Variants in TOLLIP observed in about 807,000 individuals in gnomAD.
TOLLIP encodes the protein toll interacting protein.
Under a neutral mutation model 33.5 loss-of-function variants are expected in TOLLIP, and 16 were observed. That is an observed-to-expected ratio of 0.48 (90% CI 0.32 to 0.72). The LOEUF (loss-of-function observed/expected upper bound fraction) is 0.72. Ranked by LOEUF, TOLLIP falls within the 30% of genes least tolerant of loss-of-function variation. The pLI is 0.03. For missense variants in TOLLIP, 325 were observed against 396.6 expected (o/e 0.82, Z 1.53); for synonymous variants, 176 against 163.7 (o/e 1.07, Z -0.57).
Position 1,290,248 on chromosome 11 carries a change from GAA to G in TOLLIP, c.343_344del (p.Phe115LeufsTer7). ...HCTVPPGVDS[F>X]YLEIFDERAF... The stretch of plus-strand genomic sequence containing the variant: ...TCACCTCATCGAAGATCTCGAGATA[GAA>G]AGAGTCCACGCCTGGGGGCACCGTG... On this transcript the variant is annotated frameshift_variant, in exon 3 of 6. Transcript: ENST00000317204. LOFTEE classifies it high-confidence loss of function. This position sits in a 1 kb window ranked among gnomAD's most constrained non-coding sequence, Gnocchi z 4.9. 1.9e-6 allele frequency: 3 copies of G among 1,613,380 alleles called. No individual in the cohort carries two copies. Among genetic ancestry groups the G allele is most frequent in the Non-Finnish European group, 2.5e-6 (3 of 1,179,920 alleles).
In TOLLIP at chr11:1,274,835, A is replaced by C. The variant is rs568696257; in HGVS notation, c.*2204T>G. The C allele has an allele frequency of 1.3e-5, 2 of 149,436 alleles. No homozygotes were observed. The highest frequency in any genetic ancestry group is 4.9e-5 in the African/African-American group (2 of 40,872). The allele number at this position is 149,436 out of a possible 1,614,324, so 9.3% of individuals were successfully genotyped here. A position where few individuals can be genotyped will look rare whatever the true frequency, so the allele number is the denominator to read the frequency against. On this transcript the variant is annotated 3_prime_UTR_variant, in exon 6 of 6. Coordinates refer to ENST00000317204, the MANE Select transcript of TOLLIP (RefSeq NM_019009.4). ...AGACAAGCCTGTCCTTCTGAGTGTGACGACCTCATCCACACCTGACACAGG... is the reference window on the plus strand; with the variant it reads ...AGACAAGCCTGTCCTTCTGAGTGTGCCGACCTCATCCACACCTGACACAGG...
At chr11:1,298,299 C>G (rs1216067575) in intron 1 of TOLLIP, 2 of 152,192 alleles carry the variant, frequency 1.3e-5, no homozygotes, top group Non-Finnish European at 2.9e-5. Context: ...AGGGGACAGA[C>G]AGGTGGCTCA....
Position 1,278,003 on chromosome 11 carries a change from G to A in TOLLIP, c.611-750C>T, listed in dbSNP as rs966005044. On this transcript the variant is annotated intron_variant, in intron 5 of 5. Coordinates refer to ENST00000317204, the MANE Select transcript of TOLLIP (RefSeq NM_019009.4). This position sits in a 1 kb window ranked among gnomAD's most constrained non-coding sequence, Gnocchi z 4.7. ...CACCCCACAGCTACGCAGGCCCCTC[G>A]CCCCATGTCTGATGCGGGAGGACAC... Among the ~76,000 whole-genome samples, 3 of 152,094 alleles carry A rather than the reference G, an allele frequency of 2.0e-5. No individual in the cohort carries two copies. Among genetic ancestry groups the A allele is most frequent in the Non-Finnish European group, 2.9e-5 (2 of 68,012 alleles).
At chr11:1,280,864 CCT>C (rs1863475737) in intron 5 of TOLLIP, among the ~76,000 whole-genome samples, 1 of 152,204 alleles carries the variant, frequency 6.6e-6, no homozygotes. Context: ...CCCGAGTGCC[CCT>C]CTGTGCCAGG....
At position 1,277,287 on chromosome 11, in the gene TOLLIP, G is replaced by A. The variant is rs143476615; in HGVS notation, c.611-34C>T. 639 of 1,496,156 alleles carry A rather than the reference G, an allele frequency of 4.3e-4. 7 individuals are homozygous for A. In the African/African-American group the frequency reaches 7.8e-3, roughly 18 times the overall value. 92.7% of individuals were successfully genotyped at this position (1,496,156 alleles called of 1,614,324 possible). A position where few individuals can be genotyped will look rare whatever the true frequency, so the allele number is the denominator to read the frequency against. Reference sequence around the variant, plus strand: ...AAAGATCAAGTTTGGTAAAAACGTCGGAAAGTTCCAGAAGTGCCACACTAG... The same window carrying A: ...AAAGATCAAGTTTGGTAAAAACGTCAGAAAGTTCCAGAAGTGCCACACTAG... On this transcript the variant is annotated intron_variant, in intron 5 of 5. Transcript: ENST00000317204. The surrounding 1 kb of genome is among the most constrained non-coding windows in gnomAD (Gnocchi z 4.2).
chr11:1,290,092 G>T lies in TOLLIP; in HGVS notation c.366+135C>A. 1 of 773,146 alleles carries T rather than the reference G, an allele frequency of 1.3e-6. No individual in the cohort carries two copies. The highest frequency in any genetic ancestry group is 2.1e-6 in the Non-Finnish European group (1 of 472,994). 47.9% of individuals were successfully genotyped at this position (773,146 alleles called of 1,614,324 possible). On this transcript the variant is annotated intron_variant, in intron 3 of 5. Coordinates refer to ENST00000317204, the MANE Select transcript of TOLLIP (RefSeq NM_019009.4). This position sits in a 1 kb window ranked among gnomAD's most constrained non-coding sequence, Gnocchi z 4.9. ...CTTGGGGAGAGCAGGACCCTGTCAT[G>T]CACCCAATGAAACACCAGGTGGGGA...
In TOLLIP at chr11:1,286,012, C is replaced by T. The variant is rs1486563925; in HGVS notation, c.600G>A (p.Val200=). The change falls in exon 5 of 6, where the codon GTG becomes GTA. Residue 200 remains valine, a synonymous_variant. Coordinates refer to ENST00000317204, the MANE Select transcript of TOLLIP (RefSeq NM_019009.4). ...PTVYQQGVGY[V]PITGMPAVCS... ...AGGGAGCACACGCACCTGTGATGGG[C>T]ACATAGCCAACGCCCTGCTGGTACA... 6.3e-7 allele frequency: 1 copy of T among 1,593,364 alleles called. No homozygotes were observed. The highest frequency in any genetic ancestry group is 8.5e-7 in the Non-Finnish European group (1 of 1,171,124).
In TOLLIP at chr11:1,290,026, AG is replaced by A. The variant is rs1590217231; in HGVS notation, c.366+200del. 5.5e-5 allele frequency: 32 copies of A among 586,036 alleles called. No individual in the cohort carries two copies. The East Asian group carries it at 9.1e-4, about 17-fold the overall frequency. The allele number at this position is 586,036 out of a possible 1,614,324, so 36.3% of individuals were successfully genotyped here. A position where few individuals can be genotyped will look rare whatever the true frequency, so the allele number is the denominator to read the frequency against. Reference sequence around the variant, plus strand: ...GTCACTGGGGATGTTTCCAAATGTAAGTATGTTCAAGGAGCTGGAAACAATC... The same window carrying A: ...GTCACTGGGGATGTTTCCAAATGTAATATGTTCAAGGAGCTGGAAACAATC... On this transcript the variant is annotated intron_variant, in intron 3 of 5. Coordinates refer to ENST00000317204, the MANE Select transcript of TOLLIP (RefSeq NM_019009.4). This position sits in a 1 kb window ranked among gnomAD's most constrained non-coding sequence, Gnocchi z 4.9.
chr11:1,304,870 A>C (rs1864384639), intron 1 of TOLLIP, among the ~76,000 whole-genome samples: 2 of 152,268 alleles, frequency 1.3e-5, no homozygotes, highest in South Asian at 4.1e-4. Flanking sequence ...AAATCTGTGT[A>C]TCCATCTAGG....
At chr11:1,285,075 C>T (rs1216366339) in intron 5 of TOLLIP, among the ~76,000 whole-genome samples, 1 of 152,190 alleles carries the variant, frequency 6.6e-6, no homozygotes, top group Non-Finnish European at 1.5e-5. Flanking sequence ...AGCTCTGTCC[C>T]GCCCCAACCC....
intron 5 of TOLLIP, chr11:1,283,259 A>G (rs1289185718): frequency 4.0e-6 from 1 of 250,764 alleles, no homozygotes; most frequent in Non-Finnish European, 8.0e-6. Context: ...CAGCAGCCCC[A>G]CCAGGTCCCT....
chr11:1,277,335 A>C lies in TOLLIP; in HGVS notation c.611-82T>G. 1.7e-6 allele frequency: 2 copies of C among 1,159,720 alleles called. No homozygotes were observed. Among genetic ancestry groups the C allele is most frequent in the Non-Finnish European group, 2.4e-6 (2 of 843,862 alleles). 71.8% of individuals were successfully genotyped at this position (1,159,720 alleles called of 1,614,324 possible). ...TAGCTCCTGCTGAAGGAAGAAAACAACGCATCCCACCGGCCTCCCTGAGGA... is the reference window on the plus strand; with the variant it reads ...TAGCTCCTGCTGAAGGAAGAAAACACCGCATCCCACCGGCCTCCCTGAGGA... On this transcript the variant is annotated intron_variant, in intron 5 of 5. Transcript: ENST00000317204. This position sits in a 1 kb window ranked among gnomAD's most constrained non-coding sequence, Gnocchi z 4.2.
intron 4 of TOLLIP, among the ~76,000 whole-genome samples, 163 bp downstream of exon 4, chr11:1,288,461 A>T (rs1490093176): frequency 6.6e-6 from 1 of 152,208 alleles, no homozygotes. Context: ...CTCTGCCACC[A>T]AACCACCCAG....
intron 1 of TOLLIP, 122 bp downstream of exon 1, chr11:1,309,344 G>A: frequency 2.0e-6 from 1 of 508,692 alleles, no homozygotes; most frequent in Non-Finnish European, 2.9e-6. Context: ...CAGGCGCCCC[G>A]CGTGCCCCGG....
intron 4 of TOLLIP, 115 bp downstream of exon 4, chr11:1,288,509 G>GGC: frequency 1.5e-6 from 2 of 1,319,504 alleles, no homozygotes; most frequent in Admixed American, 4.8e-5. Flanking sequence ...GAGCCCTGCT[G>GGC]TTTTATGGGC....
rs991754868 is a variant in TOLLIP, at chr11:1,303,521, T to C, written c.33+5945A>G. Among the ~76,000 whole-genome samples, 1 of 152,228 alleles carries C rather than the reference T, an allele frequency of 6.6e-6. No homozygotes were observed. The highest frequency in any genetic ancestry group is 1.5e-5 in the Non-Finnish European group (1 of 68,046). ...GGGAAGCATCATGAGTTATGCTGTATGCTAACGGCAGGAGGCGCTGTGCAA... is the reference window on the plus strand; with the variant it reads ...GGGAAGCATCATGAGTTATGCTGTACGCTAACGGCAGGAGGCGCTGTGCAA... On this transcript the variant is annotated intron_variant, in intron 1 of 5. Transcript: ENST00000317204. This position sits in a 1 kb window ranked among gnomAD's most constrained non-coding sequence, Gnocchi z 4.2.
intron 5 of TOLLIP, among the ~76,000 whole-genome samples, chr11:1,280,751 G>A (rs1863470875): frequency 6.6e-6 from 1 of 152,056 alleles, no homozygotes; most frequent in Non-Finnish European, 1.5e-5. Flanking sequence ...AGGAGGGAAA[G>A]TGAGGAGGGC....
At chr11:1,283,607 G>T (rs1323855127) in intron 5 of TOLLIP, 5 of 454,026 alleles carry the variant, frequency 1.1e-5, no homozygotes, top group African/African-American at 8.0e-5. Context: ...TCTATCAAAA[G>T]AAAATTTCAA....
intron 1 of TOLLIP, among the ~76,000 whole-genome samples, chr11:1,307,790 C>A (rs1033809576): frequency 6.6e-6 from 1 of 152,196 alleles, no homozygotes; most frequent in African/African-American, 2.4e-5. Context: ...GGACCTCTGC[C>A]GACCCGTAGG....
Sources: gnomAD v4.1 joint callset for allele counts (sites outside exome capture counted in the v4.1 genomes callset) on GRCh38, gnomAD v4.1.1 for gene constraint, Gnocchi (gnomAD v3.1) non-coding constraint, MANE v1.5 for transcripts, NCBI Gene and HGNC (gene_info 2026-07-23, HGNC 2026-07-21) for gene names.